Variants in PRPF31 observed in about 807,000 individuals in gnomAD.
The protein encoded by PRPF31 is pre-mRNA processing factor 31, also known as U4/U6 small nuclear ribonucleoprotein Prp31.
In PRPF31, 12 loss-of-function variants were observed where a neutral mutation model predicts 60.4. The ratio of observed to expected loss-of-function variants is 0.20; its 90% CI spans 0.13 to 0.32. The LOEUF (loss-of-function observed/expected upper bound fraction) is 0.32, where lower values mean the gene tolerates loss of function less well. Ranked by LOEUF, PRPF31 falls within the 10% of genes least tolerant of loss-of-function variation. The pLI, the probability that PRPF31 is intolerant of heterozygous loss-of-function variation, is 1.00. For synonymous variants in PRPF31, 287 were observed against 287.9 expected (o/e 1.00, Z 0.03); for missense variants, 431 against 687.1 (o/e 0.63, Z 4.17).
At chr19:54,123,069 C>T (rs1442110066) in intron 5 of PRPF31, 7 of 457,584 alleles carry the variant, frequency 1.5e-5, no homozygotes, top group East Asian at 1.3e-4. Context: ...TGCGTGAGGG[C>T]GGGGAGAGGA....
intron 7 of PRPF31, 46 bp downstream of exon 7, chr19:54,123,964 T>C (rs201386223): frequency 3.1e-5 from 50 of 1,609,536 alleles, no homozygotes; most frequent in Non-Finnish European, 4.2e-5. Context: ...CTGCTGACAC[T>C]GTGACCTTGG....
chr19:54,119,258 T>A (rs1442910053), intron 3 of PRPF31, among the ~76,000 whole-genome samples: 3 of 151,686 alleles, frequency 2.0e-5, no homozygotes, highest in Non-Finnish European at 4.4e-5. Flanking sequence ...GGCGGGTGCC[T>A]GTAGTCCCAG....
At chr19:54,130,824 C>A (rs2074033175) in intron 13 of PRPF31, among the ~76,000 whole-genome samples, 1 of 152,148 alleles carries the variant, frequency 6.6e-6, no homozygotes, top group Non-Finnish European at 1.5e-5. Flanking sequence ...AAGCACTTGG[C>A]ACTGGGCTCA....
rs2146445956 is a variant in PRPF31, at chr19:54,128,367, G to A, written c.1136G>A (p.Ser379Asn). 6.5e-7 allele frequency: 1 copy of A among 1,543,730 alleles called. No individual in the cohort carries two copies. The highest frequency in any genetic ancestry group is 2.5e-5 in the East Asian group (1 of 40,606). Residue 379 changes from serine to asparagine, a missense_variant, in exon 11 of 14, where the codon AGC becomes AAC. Physicochemically the swap from Ser to Asn is conservative, Grantham distance 46 (BLOSUM62 1). Transcript: ENST00000321030. ...TEIRKQANRM[S>N]FGEIEEDAYQ... ...ATCCGGAAGCAGGCCAACCGTATGA[G>A]CTTCGGAGAGGTCAGACTCCCAGAG... is the stretch of plus-strand genomic sequence containing the variant.
Position 54,118,550 on chromosome 19 carries a change from G to T in PRPF31, c.178-23G>T, listed in dbSNP as rs769629194. On this transcript the variant is annotated intron_variant, in intron 2 of 13. Transcript: ENST00000321030. ...TTCTTTTTGAAGAGTGCTGGATTCT[G>T]ACTGTCTTCTCCTTTCCTACAGTTT... 6 of 1,614,072 alleles carry T rather than the reference G, an allele frequency of 3.7e-6. No individual in the cohort carries two copies. The Admixed American group carries it at 6.7e-5, about 18-fold the overall frequency.
chr19:54,128,277 CTGGCG>C (rs1259870687), intron 10 of PRPF31, 23 bp from the exon 11 acceptor site: 1 of 1,551,534 alleles, frequency 6.4e-7, no homozygotes, highest in Admixed American at 2.0e-5. Context: ...AGCCGACTCC[CTGGCG>C]CCGCCCACCC....
In PRPF31 at chr19:54,128,389, A is replaced by G. The variant is rs2146446069; in HGVS notation, c.1146+12A>G. ...TGAGCTTCGGAGAGGTCAGACTCCC[A>G]GAGCGCCCTCCTCAACCCCACAGCC... On this transcript the variant is annotated intron_variant, in intron 11 of 13. Coordinates refer to ENST00000321030, the MANE Select transcript of PRPF31 (RefSeq NM_015629.4). 1 of 1,506,080 alleles carries G rather than the reference A, an allele frequency of 6.6e-7. No homozygotes were observed. The highest frequency in any genetic ancestry group is 1.5e-5 in the African/African-American group (1 of 68,514). 93.3% of individuals were successfully genotyped at this position (1,506,080 alleles called of 1,614,324 possible).
chr19:54,118,304 C>T lies in PRPF31; in HGVS notation c.26C>T (p.Ala9Val). 1.2e-6 allele frequency: 2 copies of T among 1,613,474 alleles called. No individual in the cohort carries two copies. Among genetic ancestry groups the T allele is most frequent in the Non-Finnish European group, 1.7e-6 (2 of 1,180,014 alleles). MSLADELLADLEEAAEEEE... is the reference protein window; with the variant it reads MSLADELLVDLEEAAEEEE... ...ATGTCTCTGGCAGATGAGCTCTTAG[C>T]TGATCTCGAAGAGGCAGCAGAAGAG... The change falls in exon 2 of 14, where the codon GCT (alanine) becomes GTT (valine). Residue 9 changes from alanine (A) to valine (V), a missense_variant. By Grantham distance (64) the Ala-to-Val change is moderately conservative. Around this residue, in one of 4 missense-constraint regions of PRPF31, gnomAD observed 3 missense variants for 20.7 expected, o/e 0.15. Transcript: ENST00000321030.
chr19:54,123,650 A>G, intron 6 of PRPF31, 90 bp downstream of exon 6: 1 of 1,595,350 alleles, frequency 6.3e-7, no homozygotes, highest in Non-Finnish European at 8.5e-7. Context: ...GCACACACAC[A>G]TACACACATG....
intron 5 of PRPF31, chr19:54,123,214 A>G (rs1413592744): frequency 3.3e-6 from 2 of 598,436 alleles, no homozygotes; most frequent in Non-Finnish European, 6.0e-6. Context: ...TCCAGACGCC[A>G]CTCTGCCCGG....
At chr19:54,123,956 G>A in intron 7 of PRPF31, 38 bp downstream of exon 7, 1 of 1,610,774 alleles carries the variant, frequency 6.2e-7, no homozygotes. Flanking sequence ...GCGGGGGTCT[G>A]CTGACACTGT....
chr19:54,128,505 C>A, intron 11 of PRPF31, 128 bp downstream of exon 11: 2 of 935,878 alleles, frequency 2.1e-6, no homozygotes, highest in South Asian at 1.4e-5. Context: ...CCCAGCCTCC[C>A]CCCCCCCGGC....
intron 3 of PRPF31, 135 bp downstream of exon 3, chr19:54,118,768 C>T: frequency 3.7e-6 from 3 of 802,322 alleles, no homozygotes; most frequent in Non-Finnish European, 4.1e-6. Context: ...TGTTTCACCC[C>T]AACCCGTTCC....
Position 54,121,141 on chromosome 19 carries a change from C to T in PRPF31, c.239-719C>T, listed in dbSNP as rs1475032468. On this transcript the variant is annotated intron_variant, in intron 3 of 13. Transcript: ENST00000321030. The stretch of plus-strand genomic sequence containing the variant: ...ACCCCGTCTCTACTAAAAATACAAA[C>T]AAACAAAAAAAATTAGCCGGGCATG... Among the ~76,000 whole-genome samples the T allele has an allele frequency of 4.6e-5, 7 of 151,700 alleles. No homozygotes were observed. In the East Asian group the frequency reaches 1.4e-3, roughly 30 times the overall value.
At chr19:54,117,580 C>T (rs928926269) in intron 1 of PRPF31, among the ~76,000 whole-genome samples, 11 of 151,694 alleles carry the variant, frequency 7.3e-5, no homozygotes, top group African/African-American at 2.7e-4. Flanking sequence ...GGCGCGGTGG[C>T]TTACGCCTGT....
intron 5 of PRPF31, chr19:54,123,252 G>A (rs2073837392): frequency 1.6e-6 from 1 of 630,840 alleles, no homozygotes; most frequent in African/African-American, 1.8e-5. Context: ...GCGAAAGCAG[G>A]GCAGATGGTG....
At chr19:54,124,875 C>T in intron 8 of PRPF31, 1 of 617,316 alleles carries the variant, frequency 1.6e-6, no homozygotes, top group Admixed American at 2.6e-5. Context: ...GCGCCCTGTG[C>T]CTCAGTCTCC....
rs2073963495 is a variant in PRPF31, at chr19:54,128,135, T to A, written c.1008T>A (p.Pro336=). 1.3e-6 allele frequency: 2 copies of A among 1,556,242 alleles called. No homozygotes were observed. Among genetic ancestry groups the A allele is most frequent in the Admixed American group, 3.9e-5 (2 of 51,088 alleles). The change falls in exon 10 of 14, where the codon CCT becomes CCA. Residue 336 remains proline, a synonymous_variant. Transcript: ENST00000321030. ...RKFDKWQEPP[P]VKQVKPLPAP... is the part of the protein sequence containing the mutation. ...TCGACAAGTGGCAGGAGCCGCCGCC[T>A]GTGAAGCAGGTGAAGCCGCTGCCTG... is the stretch of plus-strand genomic sequence containing the variant.
chr19:54,131,049 C>G (rs1387992655), intron 13 of PRPF31, among the ~76,000 whole-genome samples: 1 of 152,184 alleles, frequency 6.6e-6, no homozygotes, highest in East Asian at 1.9e-4. Flanking sequence ...GCAGGATTGG[C>G]TGTCCTCAAG....
Sources: gnomAD v4.1 joint callset for allele counts (sites outside exome capture counted in the v4.1 genomes callset) on GRCh38, gnomAD v4.1.1 for gene constraint, gnomAD v4.1.1 regional missense constraint, MANE v1.5 for transcripts, NCBI Gene and HGNC (gene_info 2026-07-23, HGNC 2026-07-21) for gene names.